Variants in DPP10 observed in about 807,000 individuals in gnomAD.
DPP10 encodes dipeptidyl peptidase like 10.
A neutral mutation model predicts 120.9 loss-of-function variants in DPP10; 33 were observed. That is an observed-to-expected ratio of 0.27 (90% CI 0.21 to 0.37). The LOEUF is 0.37. DPP10 is among the 10% of genes least tolerant of loss of function. DPP10 has a pLI of 1.00. For missense variants in DPP10, 816 were observed against 942.8 expected (o/e 0.87, Z 1.76); for synonymous variants, 337 against 326.1 (o/e 1.03, Z -0.36).
chr2:114,502,632 G>A (rs1449412147), intron 1 of DPP10, among the ~76,000 whole-genome samples: 1 of 152,160 alleles, frequency 6.6e-6, no homozygotes, highest in Non-Finnish European at 1.5e-5. Flanking sequence ...TGCCAAAGGA[G>A]TGACCCTCTT....
chr2:115,402,908 T>C (rs2068200666), intron 3 of DPP10, among the ~76,000 whole-genome samples: 1 of 141,778 alleles, frequency 7.1e-6, no homozygotes, highest in Non-Finnish European at 1.5e-5. Flanking sequence ...TATATGTATA[T>C]ATATGTGTGT....
rs2074219479 is a variant in DPP10 at position 115,464,817 on chromosome 2, G to GGAGA, written c.272-34688_272-34685dup. ...CATGAGTAGGAGTGAGCTAGAGGAG[G>GGAGA]GAGAGAGAACCCTCCAACGTGCAGA... On this transcript the variant is annotated intron_variant, in intron 3 of 25. Transcript: ENST00000410059. Among the ~76,000 whole-genome samples the GGAGA allele has an allele frequency of 4.6e-5, 7 of 152,194 alleles. 1 individual carries two copies. The highest frequency in any genetic ancestry group is 1.7e-4 in the African/African-American group (7 of 41,540).
At chr2:115,521,082 C>A (rs1415831828) in intron 4 of DPP10, among the ~76,000 whole-genome samples, 1 of 152,090 alleles carries the variant, frequency 6.6e-6, no homozygotes, top group Admixed American at 6.6e-5. Context: ...TAGAATGATC[C>A]TTCAGAGAAA....
intron 7 of DPP10, among the ~76,000 whole-genome samples, chr2:115,708,348 A>ATTATTGAAGTTGGCT (rs2092203785): frequency 6.6e-6 from 1 of 151,976 alleles, no homozygotes; most frequent in Non-Finnish European, 1.5e-5. Context: ...ACTTGCTAAT[A>ATTATTGAAGTTGGCT]ATATTGAAGT....
intron 11 of DPP10, among the ~76,000 whole-genome samples, chr2:115,761,787 ATAAT>A (rs1198243525): frequency 6.6e-6 from 1 of 152,106 alleles, no homozygotes; most frequent in Non-Finnish European, 1.5e-5. Flanking sequence ...AAACATATAA[ATAAT>A]TTATTATTAA....
chr2:115,810,560 C>T (rs1040665395), intron 19 of DPP10, among the ~76,000 whole-genome samples: 11 of 149,980 alleles, frequency 7.3e-5, no homozygotes, highest in African/African-American at 2.8e-4. Context: ...CAGACACATT[C>T]AGTGTTGAAG....
intron 1 of DPP10, among the ~76,000 whole-genome samples, chr2:114,831,020 AGAT>A (rs1574290678): frequency 1.7e-5 from 2 of 115,672 alleles, no homozygotes; most frequent in South Asian, 3.1e-4. Context: ...ATCCATGCAA[AGAT>A]TTTTTTTTTT....
intron 19 of DPP10, among the ~76,000 whole-genome samples, chr2:115,813,666 C>G (rs1575861302): frequency 6.6e-6 from 1 of 152,180 alleles, no homozygotes; most frequent in African/African-American, 2.4e-5. Flanking sequence ...CTTTATGTCA[C>G]TTACAGGATT....
At chr2:115,339,739 T>C (rs148248495) in intron 2 of DPP10, among the ~76,000 whole-genome samples, 1 of 152,252 alleles carries the variant, frequency 6.6e-6, no homozygotes, top group Non-Finnish European at 1.5e-5. Flanking sequence ...TGTGATTATA[T>C]AGCATTCTTA....
chr2:114,475,338 C>T (rs1204617709), intron 1 of DPP10, among the ~76,000 whole-genome samples: 3 of 152,120 alleles, frequency 2.0e-5, no homozygotes, highest in Non-Finnish European at 2.9e-5. Context: ...ATATATCAGG[C>T]CTCATATTAT....
intron 1 of DPP10, among the ~76,000 whole-genome samples, chr2:115,125,502 C>T (rs1224139417): frequency 6.6e-6 from 1 of 150,444 alleles, no homozygotes; most frequent in Non-Finnish European, 1.5e-5. Context: ...CCAATTATAC[C>T]ATTTTTAAAG....
chr2:115,721,751 G>A (rs1369812568), intron 7 of DPP10, among the ~76,000 whole-genome samples: 1 of 152,072 alleles, frequency 6.6e-6, no homozygotes, highest in African/African-American at 2.4e-5. Flanking sequence ...TGCCAGTTCT[G>A]GGTATTTATT....
intron 1 of DPP10, among the ~76,000 whole-genome samples, chr2:114,704,616 A>G (rs1450757585): frequency 6.6e-6 from 1 of 152,138 alleles, no homozygotes; most frequent in Non-Finnish European, 1.5e-5. Flanking sequence ...ATCCCTCAAT[A>G]ATATTATTTT....
intron 1 of DPP10, among the ~76,000 whole-genome samples, chr2:114,674,935 A>G (rs938637150): frequency 6.6e-6 from 1 of 152,210 alleles, no homozygotes; most frequent in Admixed American, 6.5e-5. Context: ...CTAAAAACAT[A>G]TCTCACTTTT....
At chr2:114,484,878 C>T (rs1179512123) in intron 1 of DPP10, among the ~76,000 whole-genome samples, 2 of 151,560 alleles carry the variant, frequency 1.3e-5, no homozygotes, top group Non-Finnish European at 2.9e-5. Flanking sequence ...CAGCTACTTC[C>T]ATGCTTCAGC....
chr2:115,470,132 T>G (rs2074607173), intron 3 of DPP10, among the ~76,000 whole-genome samples: 2 of 152,198 alleles, frequency 1.3e-5, no homozygotes, highest in African/African-American at 4.8e-5. Flanking sequence ...AATCCTTACC[T>G]ATGAATTGCC....
At chr2:114,677,208 C>T (rs535038043) in intron 1 of DPP10, among the ~76,000 whole-genome samples, 2 of 152,208 alleles carry the variant, frequency 1.3e-5, no homozygotes, top group Admixed American at 6.6e-5. Context: ...CCATGTAGTG[C>T]AAATTGAAGA....
rs186332732 is a variant in DPP10 at position 115,342,076 on chromosome 2, G to T, written c.176-1741G>T. On this transcript the variant is annotated intron_variant, in intron 2 of 25. Transcript: ENST00000410059. ...CATTCTTACCCAGGAATTAGTGAGAGTTGGTCATTTTATGTTTAAGTGAGG... is the reference window on the plus strand; with the variant it reads ...CATTCTTACCCAGGAATTAGTGAGATTTGGTCATTTTATGTTTAAGTGAGG... 34 of 443,752 alleles carry T rather than the reference G, an allele frequency of 7.7e-5. No individual in the cohort carries two copies. In the East Asian group the frequency reaches 1.6e-3, roughly 21 times the overall value. The allele number at this position is 443,752 out of a possible 1,614,324, so 27.5% of individuals were successfully genotyped here.
chr2:115,384,546 GGA>G (rs1559521691), intron 3 of DPP10, among the ~76,000 whole-genome samples: 5 of 89,720 alleles, frequency 5.6e-5, no homozygotes, highest in Non-Finnish European at 1.2e-4. Flanking sequence ...AGAAGAAGAA[GGA>G]AGAAGAAGAG....
Sources: gnomAD v4.1 joint callset for allele counts (sites outside exome capture counted in the v4.1 genomes callset) on GRCh38, gnomAD v4.1.1 for gene constraint, MANE v1.5 for transcripts, NCBI Gene and HGNC (gene_info 2026-07-23, HGNC 2026-07-21) for gene names.